Variants in TMEM217 observed in about 807,000 individuals in gnomAD.
TMEM217 encodes chromosome 6 open reading frame 128.
For missense variants in TMEM217, 204 were observed against 248.8 expected, an observed-to-expected ratio of 0.82 and a Z score of 1.21; for synonymous variants, 76 against 88.3, an observed-to-expected ratio of 0.86 and a Z score of 0.78.
chr6:37,239,567 T>C (rs1221287504), intron 1 of TMEM217, among the ~76,000 whole-genome samples: 1 of 152,170 alleles, frequency 6.6e-6, no homozygotes. Context: ...ATGATATTTG[T>C]ATTTCAGTGG....
chr6:37,217,769 C>T, exon 2 of TMEM217: 1 of 985,390 alleles, frequency 1.0e-6, no homozygotes, highest in Non-Finnish European at 1.2e-6. Flanking sequence ...GGTATAAATA[C>T]AGATTTGCTT....
At chr6:37,226,780 C>T (rs1018663176) in intron 1 of TMEM217, among the ~76,000 whole-genome samples, 4 of 21,308 alleles carry the variant, frequency 1.9e-4, no homozygotes, top group African/African-American at 8.2e-4. Context: ...TCAGGCTGCT[C>T]GAACTTCTGA....
downstream of TMEM217, among the ~76,000 whole-genome samples, chr6:37,214,207 C>G (rs539761944): frequency 6.6e-6 from 1 of 152,198 alleles, no homozygotes; most frequent in Non-Finnish European, 1.5e-5. Flanking sequence ...ATATCGCTAT[C>G]CATCTCCAGA....
chr6:37,218,705 A>T, exon 2 of TMEM217: 4 of 1,614,126 alleles, frequency 2.5e-6, no homozygotes, highest in Non-Finnish European at 3.4e-6. Flanking sequence ...TTGTATTACG[A>T]CGTTTGCAGT....
intron 1 of TMEM217, among the ~76,000 whole-genome samples, chr6:37,232,261 A>G (rs1764243452): frequency 6.6e-6 from 1 of 152,250 alleles, no homozygotes; most frequent in African/African-American, 2.4e-5. Context: ...TGAAATAGCG[A>G]AAGTCAGGAG....
chr6:37,212,672 T>C (rs1198310767), downstream of TMEM217: 3 of 590,500 alleles, frequency 5.1e-6, no homozygotes, highest in Admixed American at 6.5e-5. Context: ...ATGGAGAAGT[T>C]GATGAGCTCG....
intron 1 of TMEM217, among the ~76,000 whole-genome samples, chr6:37,236,187 A>G (rs1175492169): frequency 6.6e-6 from 1 of 152,114 alleles, no homozygotes; most frequent in Non-Finnish European, 1.5e-5. Context: ...TGGTCTCACT[A>G]TGTTGCCCAG....
chr6:37,217,635 T>C, downstream of TMEM217: 1 of 985,292 alleles, frequency 1.0e-6, no homozygotes, highest in Non-Finnish European at 1.2e-6. Flanking sequence ...AGACATAAAT[T>C]GAAGGATGAA....
intron 1 of TMEM217, among the ~76,000 whole-genome samples, chr6:37,252,470 T>C (rs1218976834): frequency 2.0e-5 from 3 of 151,818 alleles, no homozygotes; most frequent in Non-Finnish European, 4.4e-5. Flanking sequence ...CATACATGTA[T>C]ACATACATAA....
intron 1 of TMEM217, among the ~76,000 whole-genome samples, chr6:37,221,897 C>T (rs1418619585): frequency 6.6e-6 from 1 of 152,212 alleles, no homozygotes; most frequent in Non-Finnish European, 1.5e-5. Context: ...GGAGAAGGCC[C>T]TGGAGAGGGT....
intron 1 of TMEM217, among the ~76,000 whole-genome samples, chr6:37,222,110 C>A (rs1156746543): frequency 2.0e-5 from 3 of 152,214 alleles, no homozygotes; most frequent in Non-Finnish European, 4.4e-5. Flanking sequence ...CTGGCTAAGC[C>A]CAGGTCTTTT....
intron 1 of TMEM217, among the ~76,000 whole-genome samples, chr6:37,224,156 C>T (rs1293609986): frequency 1.3e-5 from 2 of 149,494 alleles, no homozygotes; most frequent in Non-Finnish European, 3.0e-5. Context: ...CCAGGCTGGT[C>T]TTGAACTCCT....
intron 1 of TMEM217, among the ~76,000 whole-genome samples, chr6:37,223,223 G>C (rs1004303762): frequency 6.6e-6 from 1 of 150,654 alleles, no homozygotes. Flanking sequence ...CTGAGGATTT[G>C]CACAACTGAA....
chr6:37,228,667 G>A (rs908099680), intron 1 of TMEM217, among the ~76,000 whole-genome samples: 2 of 152,114 alleles, frequency 1.3e-5, no homozygotes, highest in Non-Finnish European at 2.9e-5. Context: ...TCGCGCCACT[G>A]CACTCCAGCT....
At chr6:37,217,380 G>A (rs1310587158), downstream of TMEM217, among the ~76,000 whole-genome samples, 1 of 152,200 alleles carries the variant, frequency 6.6e-6, no homozygotes, top group African/African-American at 2.4e-5. Flanking sequence ...ATCATATACT[G>A]TCTTATATGA....
intron 1 of TMEM217, among the ~76,000 whole-genome samples, chr6:37,231,550 G>A (rs1764204621): frequency 6.7e-6 from 1 of 149,948 alleles, no homozygotes; most frequent in Non-Finnish European, 1.5e-5. Flanking sequence ...GCGTGCACCT[G>A]TAGTCCCAGC....
At chr6:37,230,231 C>T (rs932441342) in intron 1 of TMEM217, among the ~76,000 whole-genome samples, 14 of 152,182 alleles carry the variant, frequency 9.2e-5, no homozygotes, top group African/African-American at 3.1e-4. Flanking sequence ...TTTATGGGTT[C>T]GTGTGGTAAG....
intron 1 of TMEM217, among the ~76,000 whole-genome samples, chr6:37,252,646 T>A (rs1384248239): frequency 0.014 from 1,497 of 106,874 alleles, 11 homozygotes; most frequent in African/African-American, 0.038. Flanking sequence ...TATTTTTTTT[T>A]TTTTTTTTTT....
intron 1 of TMEM217, among the ~76,000 whole-genome samples, chr6:37,228,827 C>G (rs1174666717): frequency 6.7e-6 from 1 of 150,242 alleles, no homozygotes; most frequent in Non-Finnish European, 1.5e-5. Context: ...GAAACCCCGT[C>G]TCTACTAAAA....
Sources: allele counts gnomAD v4.1 joint callset (sites outside exome capture counted in the v4.1 genomes callset), GRCh38; gene constraint gnomAD v4.1.1; transcripts MANE v1.5; gene names NCBI Gene and HGNC (gene_info 2026-07-23, HGNC 2026-07-21).